The following PCDH15 variants were observed in gnomAD, a reference collection of about 807,000 sequenced individuals.
The protein encoded by PCDH15 is protocadherin related 15.
Under a neutral mutation model 178.5 loss-of-function variants are expected in PCDH15, and 129 were observed. That is an observed-to-expected ratio of 0.72 (90% CI 0.63 to 0.84). The LOEUF (loss-of-function observed/expected upper bound fraction) is 0.84. Ranked by LOEUF, PCDH15 falls within the 40% of genes least tolerant of loss-of-function variation. The pLI is 0.00. For synonymous variants in PCDH15, 800 were observed against 732.0 expected, an observed-to-expected ratio of 1.09 and a Z score of -1.50; for missense variants, 2,230 against 2,099.9, an observed-to-expected ratio of 1.06 and a Z score of -1.21.
intron 2 of PCDH15, among the ~76,000 whole-genome samples, chr10:55,344,508 A>G (rs967295871): frequency 1.4e-4 from 21 of 152,210 alleles, no homozygotes; most frequent in African/African-American, 5.1e-4. Flanking sequence ...AAAACTTTTC[A>G]CTAACAGATT....
chr10:53,852,234 G>A (rs1397530184), intron 28 of PCDH15, among the ~76,000 whole-genome samples: 4 of 151,838 alleles, frequency 2.6e-5, no homozygotes, highest in South Asian at 2.1e-4. Context: ...TTGTAGTTAC[G>A]TGTCCCTACT....
At chr10:54,649,242 T>C (rs980207051) in intron 2 of PCDH15, among the ~76,000 whole-genome samples, 1 of 152,124 alleles carries the variant, frequency 6.6e-6, no homozygotes, top group Non-Finnish European at 1.5e-5. Flanking sequence ...ATAGTTTGAG[T>C]TTTCTACAAA....
chr10:54,736,178 T>C (rs868326231), intron 1 of PCDH15, among the ~76,000 whole-genome samples: 17 of 152,048 alleles, frequency 1.1e-4, no homozygotes, highest in Admixed American at 2.0e-4. Context: ...CATGTGACCA[T>C]AGACAACAGT....
intron 17 of PCDH15, among the ~76,000 whole-genome samples, chr10:54,074,608 C>T (rs1461396804): frequency 6.6e-6 from 1 of 152,076 alleles, no homozygotes; most frequent in Non-Finnish European, 1.5e-5. Context: ...ACATGGAAAA[C>T]TGGGTTGCTT....
intron 2 of PCDH15, among the ~76,000 whole-genome samples, chr10:55,129,495 G>A (rs1301860613): frequency 6.6e-6 from 1 of 152,032 alleles, no homozygotes; most frequent in Admixed American, 6.6e-5. Flanking sequence ...TTAATAAAAT[G>A]CAAATTAACA....
intron 1 of PCDH15, among the ~76,000 whole-genome samples, chr10:55,169,465 C>T (rs1455627679): frequency 1.3e-5 from 2 of 152,272 alleles, no homozygotes; most frequent in Middle Eastern, 3.4e-3. Flanking sequence ...AAAGGTGTCA[C>T]TAAATGTGCA....
At chr10:55,108,001 T>C (rs1204655460) in intron 2 of PCDH15, among the ~76,000 whole-genome samples, 1 of 152,102 alleles carries the variant, frequency 6.6e-6, no homozygotes, top group Non-Finnish European at 1.5e-5. Context: ...AATAATGTCA[T>C]GAGGATGAAG....
chr10:55,090,536 A>G (rs1842290405), intron 2 of PCDH15, among the ~76,000 whole-genome samples: 1 of 152,026 alleles, frequency 6.6e-6, no homozygotes, highest in Admixed American at 6.6e-5. Flanking sequence ...TTAAAGTCAT[A>G]TAGACCTCCT....
At chr10:55,584,469 C>T (rs868632122) in intron 2 of PCDH15, among the ~76,000 whole-genome samples, 2 of 151,616 alleles carry the variant, frequency 1.3e-5, no homozygotes, top group Admixed American at 6.6e-5. Flanking sequence ...CCATCCTGGC[C>T]AACATGGTGA....
At position 55,151,008 on chromosome 10, in the gene PCDH15, C is replaced by G. The variant is rs1018063599; in HGVS notation, c.-80+15568G>C. ...CTTCTGAAGTAGATAAATTGAATATCACAGTTAATAGTAGGATAGTACTTT... is the reference window on the plus strand; with the variant it reads ...CTTCTGAAGTAGATAAATTGAATATGACAGTTAATAGTAGGATAGTACTTT... On this transcript the variant is annotated intron_variant, in intron 2 of 5. Coordinates refer to the PCDH15 transcript ENST00000458638. 5.9e-5 allele frequency among the ~76,000 whole-genome samples: 9 copies of G among 152,212 alleles called. No homozygotes were observed. In the East Asian group the frequency reaches 1.7e-3, roughly 29 times the overall value.
At chr10:54,347,204 G>A (rs959536881) in intron 5 of PCDH15, among the ~76,000 whole-genome samples, 13 of 151,928 alleles carry the variant, frequency 8.6e-5, no homozygotes, top group African/African-American at 2.7e-4. Context: ...AGGTTTTTGC[G>A]CAATGTGCTC....
At chr10:55,605,324 G>A (rs1231428602) in intron 2 of PCDH15, among the ~76,000 whole-genome samples, 1 of 152,078 alleles carries the variant, frequency 6.6e-6, no homozygotes, top group Non-Finnish European at 1.5e-5. Context: ...GGTGCAAGGA[G>A]GAACTGGTAC....
At chr10:54,125,997 C>G (rs969635690) in intron 15 of PCDH15, among the ~76,000 whole-genome samples, 1 of 151,900 alleles carries the variant, frequency 6.6e-6, no homozygotes, top group Non-Finnish European at 1.5e-5. Context: ...CTTGTTCACC[C>G]TAAAATCTTT....
At chr10:54,668,528 A>G (rs2094607258) in intron 1 of PCDH15, among the ~76,000 whole-genome samples, 1 of 152,098 alleles carries the variant, frequency 6.6e-6, no homozygotes, top group Non-Finnish European at 1.5e-5. Flanking sequence ...CATCTCTTGG[A>G]AGGAGAATAA....
chr10:55,201,623 G>GA (rs1840250195), intron 1 of PCDH15, among the ~76,000 whole-genome samples: 1 of 152,148 alleles, frequency 6.6e-6, no homozygotes. Context: ...TTGCTCTGAT[G>GA]TAGTGGTTGT....
rs751364577 is a variant in PCDH15, at chr10:53,940,925, A to T, written c.3173T>A (p.Ile1058Asn). 1.2e-6 allele frequency: 2 copies of T among 1,613,794 alleles called. No homozygotes were observed. The highest frequency in any genetic ancestry group is 8.5e-7 in the Non-Finnish European group (1 of 1,179,730). Residue 1058 changes from isoleucine to asparagine, a missense_variant, in exon 24 of 38, where the codon ATT (isoleucine) becomes AAT (asparagine). By Grantham distance (149) the Ile-to-Asn change is moderately radical (BLOSUM62 -3). Transcript: ENST00000644397. ...ACTTTGATTAATGGCAGCAGCAGAA[A>T]TTACACCAACCATGGTCCCTTTGGT... ...LATKGTMVGVISAAAINQSIV... is the reference protein window; with the variant it reads ...LATKGTMVGVNSAAAINQSIV...
intron 29 of PCDH15, among the ~76,000 whole-genome samples, chr10:53,833,867 G>A (rs1042737085): frequency 1.3e-5 from 2 of 151,832 alleles, no homozygotes; most frequent in African/African-American, 4.8e-5. Flanking sequence ...TACACTTCAT[G>A]TTGTCAATTT....
At chr10:53,851,716 A>G (rs2078384320) in intron 28 of PCDH15, among the ~76,000 whole-genome samples, 1 of 134,986 alleles carries the variant, frequency 7.4e-6, no homozygotes, top group African/African-American at 2.7e-5. Flanking sequence ...ATATATATAT[A>G]TATATATTTA....
chr10:54,617,120 T>C (rs960830649), intron 2 of PCDH15, among the ~76,000 whole-genome samples: 2 of 148,652 alleles, frequency 1.3e-5, no homozygotes, highest in Non-Finnish European at 3.0e-5. Context: ...TGTCTCGAAC[T>C]CCTGACCTCA....
Sources: allele counts gnomAD v4.1 joint callset (sites outside exome capture counted in the v4.1 genomes callset), GRCh38; gene constraint gnomAD v4.1.1; transcripts MANE v1.5; gene names NCBI Gene and HGNC (gene_info 2026-07-23, HGNC 2026-07-21).